Variants in CARS1 observed in about 807,000 individuals in gnomAD.
CARS1 encodes the protein cysteine--tRNA ligase, cytoplasmic.
CARS1 carries 48 observed loss-of-function variants against 106.2 expected under a neutral mutation model. The ratio of observed to expected loss-of-function variants is 0.45; its 90% CI spans 0.36 to 0.57. CARS1 has a LOEUF of 0.57. Ranked by LOEUF, CARS1 falls within the 20% of genes least tolerant of loss-of-function variation. The probability of loss-of-function intolerance (pLI) is 0.00; values close to 1 mark genes in which losing one functional copy is unlikely to be tolerated. For synonymous variants in CARS1, 409 were observed against 403.4 expected (o/e 1.01, Z -0.17); for missense variants, 968 against 1,057.2 (o/e 0.92, Z 1.17).
Position 3,021,187 on chromosome 11 carries a change from T to C in CARS1, c.1154-855A>G, listed in dbSNP as rs1851539519. ...CTCTCAACAATACATGCAGGACCAATGGAAAAGATTAGCTGCTGTGAATAA... is the reference window on the plus strand; with the variant it reads ...CTCTCAACAATACATGCAGGACCAACGGAAAAGATTAGCTGCTGTGAATAA... On this transcript the variant is annotated intron_variant, in intron 10 of 22. Coordinates refer to ENST00000380525, the MANE Select transcript of CARS1 (RefSeq NM_001014437.3). This position sits in a 1 kb window ranked among gnomAD's most constrained non-coding sequence, Gnocchi z 5.3. Among the ~76,000 whole-genome samples the C allele has an allele frequency of 6.6e-6, 1 of 152,168 alleles. No individual in the cohort carries two copies. The highest frequency in any genetic ancestry group is 2.1e-4 in the South Asian group (1 of 4,836).
chr11:3,018,353 C>A, intron 14 of CARS1, 55 bp downstream of exon 14: 1 of 1,163,564 alleles, frequency 8.6e-7, no homozygotes, highest in Admixed American at 1.8e-5. Context: ...CACAAGGTGC[C>A]CACTGTGCAG....
chr11:3,025,954 A>G (rs515481), intron 10 of CARS1, among the ~76,000 whole-genome samples: 50,265 of 152,112 alleles, frequency 0.33, 10,179 homozygotes, highest in East Asian at 0.63. Flanking sequence ...AGGGGCCACT[A>G]TGTTTCTCAA....
rs1279483648 is a variant in CARS1 at position 3,048,863 on chromosome 11, T to G, written c.26-862A>C. On this transcript the variant is annotated intron_variant, in intron 1 of 22. Coordinates refer to ENST00000380525, the MANE Select transcript of CARS1 (RefSeq NM_001014437.3). The surrounding 1 kb of genome is among the most constrained non-coding windows in gnomAD (Gnocchi z 5.1). ...GGCCCCAGGCCCCAGCCTCCCTCCT[T>G]AGAGCCTTCAAAGCAGTAAGCGTGC... Among the ~76,000 whole-genome samples, 4 of 152,112 alleles carry G rather than the reference T, an allele frequency of 2.6e-5. No individual in the cohort carries two copies. Among genetic ancestry groups the G allele is most frequent in the African/African-American group, 4.8e-5 (2 of 41,432 alleles).
Position 3,021,557 on chromosome 11 carries a change from A to G in CARS1, c.1154-1225T>C, listed in dbSNP as rs1565051282. Among the ~76,000 whole-genome samples the G allele has an allele frequency of 6.6e-6, 1 of 152,170 alleles. No homozygotes were observed. The highest frequency in any genetic ancestry group is 1.5e-5 in the Non-Finnish European group (1 of 68,034). On this transcript the variant is annotated intron_variant, in intron 10 of 22. Transcript: ENST00000380525. The surrounding 1 kb of genome is among the most constrained non-coding windows in gnomAD (Gnocchi z 5.3). ...CCAGAGGAAAAGCACCGCTAAATAT[A>G]TTTTTCTAAACACCAAGTTCATGAT...
At chr11:3,011,348 G>A (rs1316399977) in intron 18 of CARS1, among the ~76,000 whole-genome samples, 3 of 152,112 alleles carry the variant, frequency 2.0e-5, no homozygotes, top group Non-Finnish European at 4.4e-5. Flanking sequence ...GCTCACGCCT[G>A]TACTCCCAGC....
In CARS1 at chr11:3,021,009, AC is replaced by A. The variant is rs1274664492; in HGVS notation, c.1154-678del. ...GACAAAGCCAATGATCACCTGGCCA[AC>A]AAAAACAAGACTGTCTATGCCTTGC... On this transcript the variant is annotated intron_variant, in intron 10 of 22. Coordinates refer to ENST00000380525, the MANE Select transcript of CARS1 (RefSeq NM_001014437.3). The surrounding 1 kb of genome is among the most constrained non-coding windows in gnomAD (Gnocchi z 5.3). Among the ~76,000 whole-genome samples the A allele has an allele frequency of 2.6e-5, 4 of 152,220 alleles. No homozygotes were observed. The highest frequency in any genetic ancestry group is 9.7e-5 in the African/African-American group (4 of 41,442).
chr11:3,022,939 G>T lies in CARS1; in HGVS notation c.1154-2607C>A, dbSNP rs1590389408. On this transcript the variant is annotated intron_variant, in intron 10 of 22. Coordinates refer to ENST00000380525, the MANE Select transcript of CARS1 (RefSeq NM_001014437.3). This position sits in a 1 kb window ranked among gnomAD's most constrained non-coding sequence, Gnocchi z 4.9. Reference sequence around the variant, plus strand: ...CTCCTTATGACTCCCCATGGTGGGGGGAGGTTGCGGGGGTGGTCATGTGCC... The same window carrying T: ...CTCCTTATGACTCCCCATGGTGGGGTGAGGTTGCGGGGGTGGTCATGTGCC... 6.6e-6 allele frequency among the ~76,000 whole-genome samples: 1 copy of T among 152,206 alleles called. No individual in the cohort carries two copies. Among genetic ancestry groups the T allele is most frequent in the Non-Finnish European group, 1.5e-5 (1 of 68,034 alleles).
rs1163540476 is a variant in CARS1, at chr11:3,030,187, G to A, written c.802-744C>T. 1.3e-5 allele frequency: 2 copies of A among 152,330 alleles called. No individual in the cohort carries two copies. Among genetic ancestry groups the A allele is most frequent in the South Asian group, 2.1e-4 (1 of 4,830 alleles). The allele number at this position is 152,330 out of a possible 1,614,324, so 9.4% of individuals were successfully genotyped here. ...ATGGTCTGTGGCCTACTATGGGAAG[G>A]GGAGGCAAAGAACCAAGGCTGGAGA... On this transcript the variant is annotated intron_variant, in intron 7 of 22. Transcript: ENST00000380525. This position sits in a 1 kb window ranked among gnomAD's most constrained non-coding sequence, Gnocchi z 5.7.
In CARS1 at chr11:3,041,536, G is replaced by A. The variant is rs1038590264; in HGVS notation, c.367-552C>T. Among the ~76,000 whole-genome samples the A allele has an allele frequency of 9.2e-5, 14 of 151,976 alleles. No homozygotes were observed. The highest frequency in any genetic ancestry group is 3.4e-4 in the African/African-American group (14 of 41,366). On this transcript the variant is annotated intron_variant, in intron 3 of 22. Transcript: ENST00000380525. The surrounding 1 kb of genome is among the most constrained non-coding windows in gnomAD (Gnocchi z 4.9). ...ATCCCAGCACCCTCAGACCTCTCTGGGGGCATCATCCTCAACCAGTTTCCC... is the reference window on the plus strand; with the variant it reads ...ATCCCAGCACCCTCAGACCTCTCTGAGGGCATCATCCTCAACCAGTTTCCC...
intron 9 of CARS1, 38 bp from the exon 10 acceptor site, chr11:3,026,835 C>A (rs1312593527): frequency 1.1e-5 from 17 of 1,592,358 alleles, no homozygotes; most frequent in Non-Finnish European, 1.4e-5. Context: ...GTGCATCTAA[C>A]AGACCCGAAA....
chr11:3,009,650 T>C (rs1255576229), intron 18 of CARS1: 1 of 152,322 alleles, frequency 6.6e-6, no homozygotes, highest in Non-Finnish European at 1.5e-5. Flanking sequence ...GCTTTCTCAC[T>C]TCAGTGCCTC....
chr11:3,047,192 G>A (rs1855176401), intron 2 of CARS1, among the ~76,000 whole-genome samples: 1 of 151,212 alleles, frequency 6.6e-6, no homozygotes, highest in Admixed American at 6.6e-5. Context: ...CAGGAGAATG[G>A]CATGAACCCG....
Position 3,028,258 on chromosome 11 carries a change from T to G in CARS1, c.1031+738A>C, listed in dbSNP as rs991919747. 3 of 467,828 alleles carry G rather than the reference T, an allele frequency of 6.4e-6. No homozygotes were observed. The highest frequency in any genetic ancestry group is 1.2e-5 in the Non-Finnish European group (3 of 250,240). 29.0% of individuals were successfully genotyped at this position (467,828 alleles called of 1,614,324 possible). A position where few individuals can be genotyped will look rare whatever the true frequency, so the allele number is the denominator to read the frequency against. ...GCTCACTCTCCTTAACCTACCCCTTTGTCTTGTATCCAATAAATATCAGTG... is the reference window on the plus strand; with the variant it reads ...GCTCACTCTCCTTAACCTACCCCTTGGTCTTGTATCCAATAAATATCAGTG... On this transcript the variant is annotated intron_variant, in intron 9 of 22. Transcript: ENST00000380525. The surrounding 1 kb of genome is among the most constrained non-coding windows in gnomAD (Gnocchi z 4.4).
At chr11:3,018,933 A>T (rs1851302108) in intron 12 of CARS1, among the ~76,000 whole-genome samples, 184 bp from the exon 13 acceptor site, 1 of 152,226 alleles carries the variant, frequency 6.6e-6, no homozygotes, top group Admixed American at 6.5e-5. Context: ...AACTGGTTCA[A>T]ATCCAGGCTA....
intron 2 of CARS1, among the ~76,000 whole-genome samples, chr11:3,047,186 A>C (rs1855176134): frequency 6.6e-6 from 1 of 150,928 alleles, no homozygotes; most frequent in Non-Finnish European, 1.5e-5. Flanking sequence ...CTGAGGCAGG[A>C]GAATGGCATG....
chr11:3,034,350 A>G lies in CARS1; in HGVS notation c.801+3700T>C, dbSNP rs1166829054. On this transcript the variant is annotated intron_variant, in intron 7 of 22. Transcript: ENST00000380525. This position sits in a 1 kb window ranked among gnomAD's most constrained non-coding sequence, Gnocchi z 6.3. ...ATTCTCCTGCCTCAGCCTCCAGAGTAGCTGGGATTACAGACGCGCGCCACC... is the reference window on the plus strand; with the variant it reads ...ATTCTCCTGCCTCAGCCTCCAGAGTGGCTGGGATTACAGACGCGCGCCACC... 2.0e-5 allele frequency among the ~76,000 whole-genome samples: 3 copies of G among 151,848 alleles called. No individual in the cohort carries two copies. The highest frequency in any genetic ancestry group is 4.4e-5 in the Non-Finnish European group (3 of 67,994).
At chr11:3,024,863 CAT>C (rs1851900640) in intron 10 of CARS1, among the ~76,000 whole-genome samples, 1 of 152,206 alleles carries the variant, frequency 6.6e-6, no homozygotes, top group Non-Finnish European at 1.5e-5. Context: ...TGTGGCCTGG[CAT>C]ATGTTTCTGT....
rs546004750 is a variant in CARS1 at position 3,037,027 on chromosome 11, T to A, written c.801+1023A>T. Among the ~76,000 whole-genome samples the A allele has an allele frequency of 1.5e-4, 23 of 151,650 alleles. No individual in the cohort carries two copies. Among genetic ancestry groups the A allele is most frequent in the Non-Finnish European group, 2.8e-4 (19 of 67,918 alleles). ...CACAATTAAAAAAAAAAAAAGAATA[T>A]TAGTGGAACAACTGGGAAAAAAATT... On this transcript the variant is annotated intron_variant, in intron 7 of 22. Transcript: ENST00000380525. The surrounding 1 kb of genome is among the most constrained non-coding windows in gnomAD (Gnocchi z 5.9).
At position 3,052,256 on chromosome 11, in the gene CARS1, G is replaced by C. The variant is rs1025891157; in HGVS notation, c.26-4255C>G. Reference sequence around the variant, plus strand: ...GCTGAGTACCTACACTCACACACACGGCGGCATTTCCTCACGGTAAAACAC... The same window carrying C: ...GCTGAGTACCTACACTCACACACACCGCGGCATTTCCTCACGGTAAAACAC... On this transcript the variant is annotated intron_variant, in intron 1 of 22. Coordinates refer to ENST00000380525, the MANE Select transcript of CARS1 (RefSeq NM_001014437.3). This position sits in a 1 kb window ranked among gnomAD's most constrained non-coding sequence, Gnocchi z 4.6. Among the ~76,000 whole-genome samples, 4 of 152,104 alleles carry C rather than the reference G, an allele frequency of 2.6e-5. No homozygotes were observed. Among genetic ancestry groups the C allele is most frequent in the Admixed American group, 2.6e-4 (4 of 15,270 alleles).
Sources: allele counts gnomAD v4.1 joint callset (sites outside exome capture counted in the v4.1 genomes callset), GRCh38; gene constraint gnomAD v4.1.1; non-coding constraint Gnocchi (gnomAD v3.1); transcripts MANE v1.5; gene names NCBI Gene and HGNC (gene_info 2026-07-23, HGNC 2026-07-21).